ZMAT4: variants seen among roughly 807,000 people sequenced by gnomAD.
The protein encoded by ZMAT4 is zinc finger matrin-type 4, also known as zinc finger matrin-type protein 4.
In ZMAT4, 17 loss-of-function variants were observed where a neutral mutation model predicts 28.7. The observed-to-expected ratio is 0.59, with a 90% confidence interval of 0.41 to 0.89. The LOEUF is 0.89. Ranked by LOEUF, ZMAT4 falls within the 40% of genes least tolerant of loss-of-function variation. The pLI is 0.00. For missense variants in ZMAT4, 240 were observed against 283.8 expected, an observed-to-expected ratio of 0.85 and a Z score of 1.11; for synonymous variants, 117 against 109.2, an observed-to-expected ratio of 1.07 and a Z score of -0.44.
rs1283964659 is a variant in ZMAT4, at chr8:40,581,244, T to C, written c.595A>G (p.Arg199Gly). Residue 199 changes from arginine (R) to glycine (G), a missense_variant, in exon 6 of 7, where the codon AGA (arginine) becomes GGA (glycine). Transcript: ENST00000297737. ...AGGGAGACACTGCAGATGGTACATC[T>C]GTAATTGCGCCTCAGACCTGTGGAC... Reference protein sequence around the residue: ...GELRGLRRNYRCTICSVSLNS... With the variant: ...GELRGLRRNYGCTICSVSLNS... The C allele has an allele frequency of 2.5e-6, 4 of 1,613,138 alleles. No homozygotes were observed. The Admixed American group carries it at 5.0e-5, about 20-fold the overall frequency.
At chr8:40,541,702 T>C (rs1317926907) in intron 6 of ZMAT4, among the ~76,000 whole-genome samples, 1 of 152,176 alleles carries the variant, frequency 6.6e-6, no homozygotes, top group Non-Finnish European at 1.5e-5. Flanking sequence ...CCACTGATTT[T>C]TCCCAAATAG....
At chr8:40,671,130 T>C (rs955916309) in intron 5 of ZMAT4, among the ~76,000 whole-genome samples, 1 of 151,718 alleles carries the variant, frequency 6.6e-6, no homozygotes, top group Non-Finnish European at 1.5e-5. Context: ...AAAGGCATCA[T>C]GAAATACCCT....
intron 6 of ZMAT4, among the ~76,000 whole-genome samples, chr8:40,563,301 A>G (rs1204957447): frequency 6.6e-6 from 1 of 152,154 alleles, no homozygotes; most frequent in African/African-American, 2.4e-5. Flanking sequence ...TCTCAAATAT[A>G]TTAGCATTTA....
At chr8:40,607,961 G>A (rs980920505) in intron 5 of ZMAT4, among the ~76,000 whole-genome samples, 1 of 152,034 alleles carries the variant, frequency 6.6e-6, no homozygotes, top group Non-Finnish European at 1.5e-5. Flanking sequence ...TTCTGTGGGG[G>A]TCCTTGGTTG....
intron 5 of ZMAT4, among the ~76,000 whole-genome samples, chr8:40,595,041 T>C (rs183859939): frequency 2.4e-3 from 361 of 152,326 alleles, no homozygotes; most frequent in Non-Finnish European, 3.9e-3. Flanking sequence ...ATTAAATGGG[T>C]AATTAGTTAA....
rs571204223 is a variant in ZMAT4 at position 40,690,594 on chromosome 8, A to G, written c.349+6651T>C. Reference sequence around the variant, plus strand: ...ACACAAACCAAATAACCTGATTCAGATGAAATAACTGCTATGGTGTATGAA... The same window carrying G: ...ACACAAACCAAATAACCTGATTCAGGTGAAATAACTGCTATGGTGTATGAA... On this transcript the variant is annotated intron_variant, in intron 4 of 6. Transcript: ENST00000297737. 3.3e-5 allele frequency among the ~76,000 whole-genome samples: 5 copies of G among 152,306 alleles called. No individual in the cohort carries two copies. In the East Asian group the frequency reaches 9.7e-4, roughly 29 times the overall value.
chr8:40,562,393 C>T (rs1396440399), intron 6 of ZMAT4, among the ~76,000 whole-genome samples: 1 of 152,166 alleles, frequency 6.6e-6, no homozygotes, highest in Non-Finnish European at 1.5e-5. Flanking sequence ...AGGAAGTTCA[C>T]TGGGTAGCAC....
At chr8:40,539,924 G>A (rs1802974004) in intron 6 of ZMAT4, among the ~76,000 whole-genome samples, 1 of 152,190 alleles carries the variant, frequency 6.6e-6, no homozygotes, top group Non-Finnish European at 1.5e-5. Context: ...TGGCCATGCT[G>A]GAAAGATAAA....
intron 1 of ZMAT4, among the ~76,000 whole-genome samples, chr8:40,896,577 C>T (rs1349248615): frequency 6.6e-6 from 1 of 152,188 alleles, no homozygotes; most frequent in African/African-American, 2.4e-5. Context: ...AGTGACTCAC[C>T]TACCTAATAT....
chr8:40,816,161 G>A (rs890313747), intron 2 of ZMAT4, among the ~76,000 whole-genome samples: 2 of 152,140 alleles, frequency 1.3e-5, no homozygotes, highest in Admixed American at 6.5e-5. Context: ...GAAAACATGC[G>A]ATTGAGTTCT....
intron 1 of ZMAT4, among the ~76,000 whole-genome samples, chr8:40,882,719 A>G (rs569829759): frequency 2.0e-5 from 3 of 152,120 alleles, no homozygotes; most frequent in Admixed American, 2.0e-4. Context: ...ATCCCCCCCC[A>G]TGAGACAGGT....
chr8:40,672,629 T>A (rs1469854996), intron 5 of ZMAT4, among the ~76,000 whole-genome samples: 1 of 152,186 alleles, frequency 6.6e-6, no homozygotes, highest in East Asian at 1.9e-4. Context: ...ACAGCACTGA[T>A]AATTCAAAAT....
intron 2 of ZMAT4, 110 bp from the exon 3 acceptor site, chr8:40,767,840 C>T (rs1001675916): frequency 1.2e-6 from 1 of 840,192 alleles, no homozygotes; most frequent in Non-Finnish European, 1.8e-6. Context: ...CAGTAGAAGA[C>T]ACTTCTGCAT....
At chr8:40,546,371 C>T (rs1373469812) in intron 6 of ZMAT4, among the ~76,000 whole-genome samples, 2 of 151,748 alleles carry the variant, frequency 1.3e-5, no homozygotes, top group Non-Finnish European at 2.9e-5. Context: ...TGGAGACGTA[C>T]CAGAGCTCAA....
intron 3 of ZMAT4, among the ~76,000 whole-genome samples, chr8:40,724,057 G>GT (rs912108772): frequency 2.1e-4 from 31 of 150,110 alleles, no homozygotes; most frequent in Non-Finnish European, 2.1e-4. Context: ...TTTATGTGAG[G>GT]TTTTTTTTTT....
intron 2 of ZMAT4, among the ~76,000 whole-genome samples, chr8:40,814,208 A>C (rs1287313554): frequency 6.6e-6 from 1 of 152,254 alleles, no homozygotes; most frequent in African/African-American, 2.4e-5. Context: ...ACAGCAAACA[A>C]GAAGAGCACA....
At position 40,719,453 on chromosome 8, in the gene ZMAT4, T is replaced by C. The variant is rs940919307; in HGVS notation, c.193-22052A>G. Among the ~76,000 whole-genome samples, 8 of 151,852 alleles carry C rather than the reference T, an allele frequency of 5.3e-5. No individual in the cohort carries two copies. The East Asian group carries it at 1.6e-3, about 30-fold the overall frequency. On this transcript the variant is annotated intron_variant, in intron 3 of 6. Transcript: ENST00000297737. ...CTGTCTCAAAACATAAATAAATAAA[T>C]GAATAAATAAATAAATAAAATACTT...
intron 5 of ZMAT4, among the ~76,000 whole-genome samples, chr8:40,594,951 A>C (rs1490426995): frequency 6.6e-6 from 1 of 152,204 alleles, no homozygotes; most frequent in Non-Finnish European, 1.5e-5. Flanking sequence ...CATTACACGA[A>C]CATCTTCTAA....
At chr8:40,593,874 G>A (rs1355355651) in intron 5 of ZMAT4, among the ~76,000 whole-genome samples, 1 of 152,018 alleles carries the variant, frequency 6.6e-6, no homozygotes, top group African/African-American at 2.4e-5. Flanking sequence ...ATTCTCCCCT[G>A]CTTGGAGACA....
Sources: allele counts gnomAD v4.1 joint callset (sites outside exome capture counted in the v4.1 genomes callset), GRCh38; gene constraint gnomAD v4.1.1; transcripts MANE v1.5; gene names NCBI Gene and HGNC (gene_info 2026-07-23, HGNC 2026-07-21).